DOCK2: variants seen among roughly 807,000 people sequenced by gnomAD.
DOCK2 encodes dedicator of cytokinesis protein 2.
In DOCK2, 87 loss-of-function variants were observed where a neutral mutation model predicts 248.9. The observed-to-expected ratio is 0.35, with a 90% CI of 0.29 to 0.42. The LOEUF (loss-of-function observed/expected upper bound fraction) is 0.42. Among genes scored for constraint, DOCK2 ranks in the 10% least tolerant of loss-of-function variants. The pLI, the probability that DOCK2 is intolerant of heterozygous loss-of-function variation, is 1.00. For missense variants in DOCK2, 1,747 were observed against 2,300.2 expected (o/e 0.76, Z 4.92); for synonymous variants, 805 against 821.6 (o/e 0.98, Z 0.35).
At chr5:169,759,620 C>T in intron 23 of DOCK2, 85 bp from the exon 24 acceptor site, 2 of 1,422,832 alleles carry the variant, frequency 1.4e-6, no homozygotes, top group South Asian at 2.3e-5. Context: ...CTCCTCTGAT[C>T]TGTGTCATGC....
At chr5:169,876,797 G>T (rs1450086272) in intron 27 of DOCK2, among the ~76,000 whole-genome samples, 1 of 152,164 alleles carries the variant, frequency 6.6e-6, no homozygotes, top group Non-Finnish European at 1.5e-5. Flanking sequence ...TAGTAACAAT[G>T]ACTTTACTTC....
At chr5:170,030,170 C>T (rs548878612) in intron 34 of DOCK2, among the ~76,000 whole-genome samples, 2 of 152,282 alleles carry the variant, frequency 1.3e-5, no homozygotes, top group African/African-American at 2.4e-5. Context: ...TGGGGCTCTG[C>T]GGCGGTCTTC....
At chr5:169,868,972 G>C (rs550733353) in intron 27 of DOCK2, among the ~76,000 whole-genome samples, 4 of 152,088 alleles carry the variant, frequency 2.6e-5, no homozygotes, top group Non-Finnish European at 5.9e-5. Context: ...GGGTGACCCT[G>C]GGCAAGTTTC....
intron 32 of DOCK2, among the ~76,000 whole-genome samples, chr5:170,018,027 C>T (rs1423572170): frequency 6.6e-6 from 1 of 152,180 alleles, no homozygotes; most frequent in Non-Finnish European, 1.5e-5. Flanking sequence ...GTGCTCAGTG[C>T]TATAGACACA....
At chr5:169,982,942 C>T (rs968800371) in intron 27 of DOCK2, 126 bp from the exon 28 acceptor site, 4 of 872,880 alleles carry the variant, frequency 4.6e-6, no homozygotes, top group African/African-American at 1.7e-5. Context: ...ATTACAGTCC[C>T]AGGCACATAA....
intron 27 of DOCK2, among the ~76,000 whole-genome samples, chr5:169,914,886 A>T (rs373516281): frequency 4.6e-5 from 7 of 152,246 alleles, no homozygotes; most frequent in Admixed American, 4.6e-4. Context: ...ACAGACTGAC[A>T]TAACTGTTGT....
intron 2 of DOCK2, among the ~76,000 whole-genome samples, chr5:169,666,509 C>G (rs1434960670): frequency 1.3e-5 from 2 of 152,158 alleles, no homozygotes; most frequent in African/African-American, 4.8e-5. Flanking sequence ...ACTGAGCCTG[C>G]TTTTGATCAT....
At chr5:169,863,319 C>G (rs1304317226) in intron 27 of DOCK2, among the ~76,000 whole-genome samples, 1 of 152,196 alleles carries the variant, frequency 6.6e-6, no homozygotes, top group African/African-American at 2.4e-5. Context: ...ACGGCTGTTT[C>G]TGGGATGAAG....
At chr5:169,836,380 A>G (rs1043041702) in intron 26 of DOCK2, among the ~76,000 whole-genome samples, 3 of 152,198 alleles carry the variant, frequency 2.0e-5, no homozygotes, top group Non-Finnish European at 4.4e-5. Context: ...TAATAAAACT[A>G]TGAGTTTTAA....
intron 27 of DOCK2, among the ~76,000 whole-genome samples, chr5:169,877,950 G>A (rs1343816218): frequency 6.6e-6 from 1 of 152,062 alleles, no homozygotes; most frequent in Non-Finnish European, 1.5e-5. Flanking sequence ...GAGATGAAAA[G>A]TTTTCTGGGA....
At chr5:170,007,582 A>G (rs866410054) in intron 30 of DOCK2, among the ~76,000 whole-genome samples, 1 of 152,318 alleles carries the variant, frequency 6.6e-6, no homozygotes, top group South Asian at 2.1e-4. Context: ...TGATGAATCC[A>G]TGGATTGTAG....
chr5:169,932,955 C>G (rs1775825792), intron 27 of DOCK2, among the ~76,000 whole-genome samples: 1 of 151,040 alleles, frequency 6.6e-6, no homozygotes, highest in South Asian at 2.1e-4. Context: ...CTTCCTCCCA[C>G]CGTCAAGCCC....
chr5:169,725,385 C>A (rs554746136), intron 22 of DOCK2, among the ~76,000 whole-genome samples: 10 of 152,242 alleles, frequency 6.6e-5, no homozygotes, highest in Non-Finnish European at 1.2e-4. Context: ...AGCTAAACAG[C>A]CTTTCTCATG....
intron 26 of DOCK2, among the ~76,000 whole-genome samples, chr5:169,818,354 T>C (rs1768201972): frequency 6.6e-6 from 1 of 152,214 alleles, no homozygotes; most frequent in Non-Finnish European, 1.5e-5. Flanking sequence ...AGCACATTTA[T>C]TGAGCAGTCA....
chr5:169,746,524 A>G (rs907903148), intron 22 of DOCK2, among the ~76,000 whole-genome samples: 1 of 152,130 alleles, frequency 6.6e-6, no homozygotes, highest in African/African-American at 2.4e-5. Flanking sequence ...TCTGAATTGG[A>G]GACAGGAGCA....
At chr5:170,039,756 C>T (rs774523123) in intron 36 of DOCK2, among the ~76,000 whole-genome samples, 104 of 152,304 alleles carry the variant, frequency 6.8e-4, no homozygotes, top group Middle Eastern at 6.8e-3. Flanking sequence ...CATTGAGACA[C>T]GCATTGAGTG....
At chr5:169,842,802 G>A (rs1232889813) in intron 27 of DOCK2, among the ~76,000 whole-genome samples, 4 of 152,184 alleles carry the variant, frequency 2.6e-5, no homozygotes, top group Non-Finnish European at 5.9e-5. Context: ...ATCTGGTAGA[G>A]TGAGGCTCTC....
At chr5:169,767,779 T>C (rs1764873218) in intron 25 of DOCK2, among the ~76,000 whole-genome samples, 1 of 152,234 alleles carries the variant, frequency 6.6e-6, no homozygotes, top group Non-Finnish European at 1.5e-5. Context: ...ATTTATCAAA[T>C]GCCAGCTCTG....
Position 169,637,285 on chromosome 5 carries a change from TG to T in DOCK2, c.-41del. 1 of 1,436,396 alleles carries T rather than the reference TG, an allele frequency of 7.0e-7. No individual in the cohort carries two copies. The highest frequency in any genetic ancestry group is 2.8e-5 in the Admixed American group (1 of 35,598). 89.0% of individuals were successfully genotyped at this position (1,436,396 alleles called of 1,614,324 possible). ...GGCCCTGCGGCGCCCAGCCACCCCC[TG>T]ACGGCTTCCCCACGGGAGGACGCGA... On this transcript the variant is annotated 5_prime_UTR_variant, in exon 1 of 52. Coordinates refer to ENST00000520908, the MANE Select transcript of DOCK2 (RefSeq NM_004946.3).
Sources: gnomAD v4.1 joint callset for allele counts (sites outside exome capture counted in the v4.1 genomes callset) on GRCh38, gnomAD v4.1.1 for gene constraint, MANE v1.5 for transcripts, NCBI Gene and HGNC (gene_info 2026-07-23, HGNC 2026-07-21) for gene names.